The following LRRC37A2 variants were observed in gnomAD, a reference collection of about 807,000 sequenced individuals.
LRRC37A2 encodes the protein leucine rich repeat containing 37 member A2, also known as leucine-rich repeat-containing protein 37A2.
Under a neutral mutation model 68.8 loss-of-function variants are expected in LRRC37A2, and 9 were observed. The ratio of observed to expected loss-of-function variants is 0.13; its 90% CI spans 0.08 to 0.23. The LOEUF (loss-of-function observed/expected upper bound fraction) is 0.23. Among genes scored for constraint, LRRC37A2 ranks in the 10% least tolerant of loss-of-function variants. LRRC37A2 has a pLI of 1.00. For missense variants in LRRC37A2, 168 were observed against 950.4 expected (o/e 0.18, Z 10.82); for synonymous variants, 63 against 367.6 (o/e 0.17, Z 9.48).
the LRRC37A2 span, among the ~76,000 whole-genome samples, chr17:46,900,148 T>G: frequency 1.0e-5 from 1 of 96,908 alleles, no homozygotes; most frequent in African/African-American, 5.1e-5. Context: ...CTCCCATCCT[T>G]TTCTATATAT....
the LRRC37A2 span, chr17:46,851,530 G>A: frequency 2.1e-5 from 11 of 512,418 alleles, no homozygotes; most frequent in East Asian, 1.2e-4. This position sits in a 1 kb window ranked among gnomAD's most constrained non-coding sequence, Gnocchi z 4.3. Context: ...CTTTCCCAGC[G>A]CCGCCTGCCC....
chr17:46,830,780 G>T, the LRRC37A2 span: 1 of 398,550 alleles, frequency 2.5e-6, no homozygotes, highest in South Asian at 1.3e-4. Flanking sequence ...AAACCACTTT[G>T]AATCACACAT....
At chr17:47,035,105 T>C in the LRRC37A2 span, 1 of 152,234 alleles carries the variant, frequency 6.6e-6, no homozygotes, top group Admixed American at 6.5e-5. Flanking sequence ...CCAGCATGTT[T>C]GGTCTTCTGG....
the LRRC37A2 span, among the ~76,000 whole-genome samples, chr17:46,738,544 A>G: frequency 6.6e-6 from 1 of 152,232 alleles, no homozygotes; most frequent in Non-Finnish European, 1.5e-5. Context: ...CAGTATTTTC[A>G]TGGGTGGGAC....
chr17:46,881,734 C>G, the LRRC37A2 span, among the ~76,000 whole-genome samples: 2 of 152,190 alleles, frequency 1.3e-5, no homozygotes, highest in Non-Finnish European at 2.9e-5. Flanking sequence ...GGTACCCTAC[C>G]CGCAATATCC....
chr17:46,497,119 C>A, the LRRC37A2 span, among the ~76,000 whole-genome samples: 1 of 132,276 alleles, frequency 7.6e-6, no homozygotes, highest in Non-Finnish European at 1.6e-5. Flanking sequence ...GTCTTGAATT[C>A]CTGGGCTCAA....
the LRRC37A2 span, among the ~76,000 whole-genome samples, chr17:46,962,189 C>T: frequency 6.4e-4 from 98 of 151,946 alleles, 1 homozygote; most frequent in Admixed American, 1.9e-3. Context: ...ATTAGCCGGG[C>T]GTGATGGCAT....
chr17:46,854,875 G>A, the LRRC37A2 span, among the ~76,000 whole-genome samples: 7 of 152,070 alleles, frequency 4.6e-5, no homozygotes, highest in African/African-American at 1.4e-4. Flanking sequence ...GGGCAGGCTG[G>A]TCTTGAACTC....
At chr17:46,924,664 A>T in the LRRC37A2 span, among the ~76,000 whole-genome samples, 1 of 152,172 alleles carries the variant, frequency 6.6e-6, no homozygotes, top group Non-Finnish European at 1.5e-5. Flanking sequence ...TTTCATTTGG[A>T]CAGGCGAAAA....
chr17:46,710,694 C>T, the LRRC37A2 span, among the ~76,000 whole-genome samples: 1 of 152,136 alleles, frequency 6.6e-6, no homozygotes, highest in African/African-American at 2.4e-5. Context: ...TATTCTTTCT[C>T]TCAGGAATTA....
At chr17:46,777,928 GTGGACC>G in the LRRC37A2 span, among the ~76,000 whole-genome samples, 1 of 152,184 alleles carries the variant, frequency 6.6e-6, no homozygotes, top group Non-Finnish European at 1.5e-5. Context: ...CCCACCAACT[GTGGACC>G]TGGGAGCCAT....
At chr17:46,932,113 C>T in the LRRC37A2 span, 1 of 1,613,762 alleles carries the variant, frequency 6.2e-7, no homozygotes, top group East Asian at 2.2e-5. Context: ...GCAGACTGCG[C>T]TCAGAAACTT....
At chr17:46,938,527 C>T in the LRRC37A2 span, 3 of 1,608,334 alleles carry the variant, frequency 1.9e-6, no homozygotes, top group Middle Eastern at 1.7e-4. Flanking sequence ...AGCTCCATCT[C>T]CTGATGCCAT....
chr17:46,938,570 GT>G, the LRRC37A2 span: 9 of 1,578,600 alleles, frequency 5.7e-6, no homozygotes, highest in Admixed American at 5.1e-5. Flanking sequence ...CTTGATGTTT[GT>G]TTTTTTTTCT....
chr17:47,003,299 T>A, the LRRC37A2 span, among the ~76,000 whole-genome samples: 1 of 148,852 alleles, frequency 6.7e-6, no homozygotes, highest in African/African-American at 2.5e-5. Flanking sequence ...CTGACCACTC[T>A]GGAACATACA....
At chr17:46,845,766 G>A in the LRRC37A2 span, among the ~76,000 whole-genome samples, 1 of 145,350 alleles carries the variant, frequency 6.9e-6, no homozygotes, top group African/African-American at 2.6e-5. Flanking sequence ...GGGATTACAC[G>A]TGTGAGCCAC....
At chr17:46,789,169 G>A in the LRRC37A2 span, among the ~76,000 whole-genome samples, 1 of 152,162 alleles carries the variant, frequency 6.6e-6, no homozygotes, top group African/African-American at 2.4e-5. Flanking sequence ...GAGCTGCCCT[G>A]AGGAAGCCCA....
chr17:46,870,748 G>A, the LRRC37A2 span, among the ~76,000 whole-genome samples: 1 of 152,288 alleles, frequency 6.6e-6, no homozygotes, highest in African/African-American at 2.4e-5. Context: ...TGACTCCAAA[G>A]AGGAGAGCTG....
the LRRC37A2 span, among the ~76,000 whole-genome samples, chr17:47,000,257 CAG>C: frequency 6.7e-3 from 905 of 134,134 alleles, 8 homozygotes; most frequent in African/African-American, 0.013. Context: ...TTTTTTGAGA[CAG>C]AGTCCTGCTC....
Sources: allele counts gnomAD v4.1 joint callset (sites outside exome capture counted in the v4.1 genomes callset), GRCh38; gene constraint gnomAD v4.1.1; non-coding constraint Gnocchi (gnomAD v3.1); transcripts MANE v1.5; gene names NCBI Gene and HGNC (gene_info 2026-07-23, HGNC 2026-07-21).